EPRS1: variants seen among roughly 807,000 people sequenced by gnomAD.
EPRS1 encodes glutamyl-prolyl-tRNA synthetase 1.
EPRS1 carries 107 observed loss-of-function variants against 188.3 expected under a neutral mutation model. The observed-to-expected ratio is 0.57, with a 90% CI of 0.49 to 0.67. EPRS1 has a LOEUF of 0.67. EPRS1 is among the 30% of genes least tolerant of loss of function. The pLI is 0.00. For missense variants in EPRS1, 1,577 were observed against 1,802.2 expected, an observed-to-expected ratio of 0.88 and a Z score of 2.26; for synonymous variants, 596 against 593.1, an observed-to-expected ratio of 1.00 and a Z score of -0.07.
At chr1:219,977,067 C>T (rs1008000241) in intron 28 of EPRS1, among the ~76,000 whole-genome samples, 1 of 152,108 alleles carries the variant, frequency 6.6e-6, no homozygotes, top group African/African-American at 2.4e-5. Flanking sequence ...GAATAAGTTT[C>T]AAAATGCGCG....
intron 18 of EPRS1, 41 bp from the exon 19 acceptor site, chr1:219,988,864 A>T (rs932054877): frequency 2.4e-6 from 3 of 1,250,664 alleles, no homozygotes; most frequent in Non-Finnish European, 3.4e-6. Flanking sequence ...AAAACTTTGG[A>T]AATTTCTGGA....
rs933001033 is a variant in EPRS1, at chr1:220,038,226, G to A, written c.131+1959C>T. Among the ~76,000 whole-genome samples, 7 of 151,718 alleles carry A rather than the reference G, an allele frequency of 4.6e-5. No individual in the cohort carries two copies. The East Asian group carries it at 1.4e-3, about 30-fold the overall frequency. On this transcript the variant is annotated intron_variant, in intron 2 of 31. Transcript: ENST00000366923. ...GCCTCCTGAGTAGCTGGGATTACAG[G>A]CATGCACAACCATGCCCGGCAAGTT...
intron 29 of EPRS1, 89 bp from the exon 30 acceptor site, chr1:219,972,236 G>C: frequency 1.3e-6 from 1 of 795,532 alleles, no homozygotes; most frequent in Non-Finnish European, 2.0e-6. Context: ...TTAATGAAAA[G>C]ACAACCTGGG....
At chr1:219,981,977 T>C (rs76455765) in intron 23 of EPRS1, among the ~76,000 whole-genome samples, 1 of 152,220 alleles carries the variant, frequency 6.6e-6, no homozygotes, top group East Asian at 1.9e-4. Flanking sequence ...ATGAAAGCTC[T>C]TGCAATGAAG....
chr1:219,979,845 A>G (rs965598751), intron 26 of EPRS1, among the ~76,000 whole-genome samples: 3 of 152,222 alleles, frequency 2.0e-5, no homozygotes, highest in African/African-American at 7.2e-5. Flanking sequence ...TTATAGCAGT[A>G]ATTTTACCTA....
At position 219,973,244 on chromosome 1, in the gene EPRS1, A is replaced by C. The variant is rs1178513548; in HGVS notation, c.4238T>G (p.Phe1413Cys). The change falls in exon 29 of 32, where the codon TTC becomes TGC. Residue 1413 changes from phenylalanine to cysteine, a missense_variant. Transcript: ENST00000366923. The stretch of plus-strand genomic sequence containing the variant: ...AGCAATTTTAAGAAACTACCTTGTG[A>C]AAAGGGTGACCTGGATGTCTTCCAA... ...AILEDIQVTL[F>C]TRASEDLKTH... 39 of 1,611,824 alleles carry C rather than the reference A, an allele frequency of 2.4e-5. No homozygotes were observed. Among genetic ancestry groups the C allele is most frequent in the Non-Finnish European group, 3.2e-5 (38 of 1,178,698 alleles).
chr1:219,971,795 T>TATATATATATATACACACAC (rs140568859), intron 30 of EPRS1, among the ~76,000 whole-genome samples: 21 of 108,428 alleles, frequency 1.9e-4, no homozygotes, highest in African/African-American at 6.1e-4. Context: ...TATATATATA[T>TATATATATATATACACACAC]ACATATACAC....
chr1:220,009,052 A>T (rs1361292477), intron 13 of EPRS1, among the ~76,000 whole-genome samples: 1 of 152,184 alleles, frequency 6.6e-6, no homozygotes, highest in Admixed American at 6.6e-5. Flanking sequence ...TCAAGATTCA[A>T]ATTTTAAAAT....
At chr1:219,983,878 C>G (rs1323546695) in intron 21 of EPRS1, among the ~76,000 whole-genome samples, 3 of 135,852 alleles carry the variant, frequency 2.2e-5, no homozygotes, top group East Asian at 2.2e-4. Flanking sequence ...AGGCAACAGA[C>G]TGATACTCCC....
At chr1:220,031,210 G>T (rs1297298970) in intron 5 of EPRS1, among the ~76,000 whole-genome samples, 1 of 152,142 alleles carries the variant, frequency 6.6e-6, no homozygotes, top group Non-Finnish European at 1.5e-5. Flanking sequence ...ATGCATATTG[G>T]GTGGGTAGGG....
In EPRS1 at chr1:220,006,257, T is replaced by A. The variant is rs747663156; in HGVS notation, c.1799A>T (p.Asp600Val). 6 of 1,594,500 alleles carry A rather than the reference T, an allele frequency of 3.8e-6. No homozygotes were observed. The highest frequency in any genetic ancestry group is 5.1e-6 in the Non-Finnish European group (6 of 1,169,146). ...LDAKLNLENKDYKKTTKVTWL... is the reference protein window; with the variant it reads ...LDAKLNLENKVYKKTTKVTWL... ...AGTGACCTTAGTGGTTTTCTTGTAG[T>A]CTTTGTTTTCCAAATTCAACTTTGC... Residue 600 changes from aspartate (D) to valine (V), a missense_variant, in exon 15 of 32, where the codon GAC becomes GTC. Asp to Val is a radical substitution (Grantham distance 152). This residue lies in a region of EPRS1 where 1,278 missense variants were observed against 1,457.4 expected (regional missense o/e 0.88). Coordinates refer to ENST00000366923, the MANE Select transcript of EPRS1 (RefSeq NM_004446.3).
intron 6 of EPRS1, among the ~76,000 whole-genome samples, chr1:220,028,392 A>G (rs1370015727): frequency 1.3e-5 from 2 of 152,338 alleles, no homozygotes; most frequent in East Asian, 1.9e-4. Context: ...TAAGAGGACT[A>G]TAAGTCACAA....
intron 13 of EPRS1, among the ~76,000 whole-genome samples, chr1:220,009,668 G>C (rs1340938193): frequency 2.0e-5 from 3 of 149,636 alleles, no homozygotes; most frequent in African/African-American, 4.9e-5. Context: ...CTGAGCACCA[G>C]AGCAAGGCCC....
intron 24 of EPRS1, 99 bp from the exon 25 acceptor site, chr1:219,980,956 G>A (rs1333984412): frequency 8.0e-6 from 6 of 750,836 alleles, no homozygotes; most frequent in Non-Finnish European, 1.4e-5. Flanking sequence ...CTGGAGTGCA[G>A]TGGTGCAATC....
intron 12 of EPRS1, among the ~76,000 whole-genome samples, chr1:220,016,982 AG>A (rs781252157): frequency 3.3e-5 from 5 of 152,142 alleles, no homozygotes; most frequent in Non-Finnish European, 7.4e-5. Flanking sequence ...TGGGAGGCAG[AG>A]GTGGGCGGAT....
intron 18 of EPRS1, among the ~76,000 whole-genome samples, chr1:219,994,654 T>C (rs1269552345): frequency 7.1e-6 from 1 of 140,392 alleles, no homozygotes; most frequent in African/African-American, 2.6e-5. Context: ...TTTTTTTTTT[T>C]TTTTTTTTTT....
chr1:220,040,076 G>T, intron 2 of EPRS1, 109 bp downstream of exon 2: 1 of 698,508 alleles, frequency 1.4e-6, no homozygotes, highest in Non-Finnish European at 2.5e-6. Flanking sequence ...GGTACAGTGA[G>T]CTATGATCAT....
At chr1:220,009,332 G>A (rs1427169827) in intron 13 of EPRS1, among the ~76,000 whole-genome samples, 2 of 152,136 alleles carry the variant, frequency 1.3e-5, no homozygotes, top group South Asian at 2.1e-4. Flanking sequence ...GTTAGTCTAC[G>A]AACACAGTTA....
rs1265533358 is a variant in EPRS1, at chr1:219,997,181, T to C, written c.2343A>G (p.Val781=). 6.2e-7 allele frequency: 1 copy of C among 1,614,016 alleles called. No individual in the cohort carries two copies. Among genetic ancestry groups the C allele is most frequent in the Admixed American group, 1.7e-5 (1 of 60,018 alleles). The part of the protein sequence containing the change: ...KAPKEDVDAA[V]KQLLSLKAEY... ...CAGCTTTCAAAGACAAAAGCTGTTTTACAGCTGCATCTACATCTTCCTTTG... is the reference window on the plus strand; with the variant it reads ...CAGCTTTCAAAGACAAAAGCTGTTTCACAGCTGCATCTACATCTTCCTTTG... The change falls in exon 18 of 32, where the codon GTA becomes GTG. Residue 781 remains valine, a synonymous_variant. Transcript: ENST00000366923.
Sources: allele counts gnomAD v4.1 joint callset (sites outside exome capture counted in the v4.1 genomes callset), GRCh38; gene constraint gnomAD v4.1.1; regional missense constraint gnomAD v4.1.1; transcripts MANE v1.5; gene names NCBI Gene and HGNC (gene_info 2026-07-23, HGNC 2026-07-21).